The following CHD1L variants were observed in gnomAD, a reference collection of about 807,000 sequenced individuals.
CHD1L encodes the protein chromodomain helicase DNA binding protein 1 like.
A neutral mutation model predicts 115.9 loss-of-function variants in CHD1L; 118 were observed. The observed-to-expected ratio is 1.02, with a 90% CI of 0.88 to 1.19. The LOEUF (loss-of-function observed/expected upper bound fraction) is 1.19, where lower values mean the gene tolerates loss of function less well. CHD1L is among the 50% of genes most tolerant of loss of function. The probability of loss-of-function intolerance (pLI) is 0.00; values close to 1 mark genes in which losing one functional copy is unlikely to be tolerated. For synonymous variants in CHD1L, 411 were observed against 387.1 expected (o/e 1.06, Z -0.72); for missense variants, 1,179 against 1,065.3 (o/e 1.11, Z -1.49).
the CHD1L span, chr1:147,201,272 T>G: frequency 2.2e-5 from 35 of 1,614,076 alleles, no homozygotes; most frequent in Middle Eastern, 1.6e-4. Flanking sequence ...GGGAAGACCT[T>G]TTTATACAGG....
the CHD1L span, among the ~76,000 whole-genome samples, chr1:147,233,411 G>A: frequency 5.5e-5 from 8 of 145,478 alleles, no homozygotes; most frequent in African/African-American, 7.8e-5. Context: ...CGCCCCGTCC[G>A]GGAGGGAGGT....
the CHD1L span, chr1:147,186,277 T>C: frequency 1.8e-4 from 179 of 970,788 alleles, no homozygotes; most frequent in Non-Finnish European, 2.1e-4. Flanking sequence ...GTAATTTCTT[T>C]ATTGAGAAAA....
rs36068896 is a variant in CHD1L, at chr1:147,254,879, C to G, written c.250C>G (p.Leu84Val). The G allele has an allele frequency of 2.5e-6, 4 of 1,602,208 alleles. No individual in the cohort carries two copies. The highest frequency in any genetic ancestry group is 1.1e-5 in the South Asian group (1 of 88,206). The change falls in exon 3 of 23, where the codon CTC becomes GTC. Residue 84 changes from leucine (L) to valine (V), a missense_variant. Transcript: ENST00000369258. ...GLGKTCQTIA[L>V]FIYLAGRLND... Reference sequence around the variant, plus strand: ...TTTTTCTGTGTTCCAGACTATTGCTCTCTTCATTTATTTGGCAGGAAGATT... The same window carrying G: ...TTTTTCTGTGTTCCAGACTATTGCTGTCTTCATTTATTTGGCAGGAAGATT...
chr1:147,204,181 T>G, the CHD1L span: 1 of 1,348,142 alleles, frequency 7.4e-7, no homozygotes, highest in Admixed American at 1.7e-5. Flanking sequence ...CCTTAGTTTC[T>G]GTTATCATGC....
intron 21 of CHD1L, 65 bp from the exon 22 acceptor site, chr1:147,294,344 G>A: frequency 1.9e-6 from 2 of 1,071,170 alleles, no homozygotes; most frequent in Non-Finnish European, 2.7e-6. Context: ...TTTCTCCCAT[G>A]TGTATTTTAT....
intron 12 of CHD1L, among the ~76,000 whole-genome samples, chr1:147,272,947 C>T (rs1553954531): frequency 6.8e-6 from 1 of 147,940 alleles, no homozygotes; most frequent in East Asian, 2.0e-4. Flanking sequence ...TGCCTGTAAT[C>T]CCAGCACTTT....
chr1:147,223,959 T>G, the CHD1L span: 44 of 386,908 alleles, frequency 1.1e-4, 1 homozygote, highest in East Asian at 3.7e-3. Context: ...CCACCCGTCT[T>G]TCCAGCAGGG....
intron 1 of CHD1L, among the ~76,000 whole-genome samples, chr1:147,245,904 A>G (rs1237575229): frequency 2.6e-5 from 4 of 152,084 alleles, no homozygotes; most frequent in Non-Finnish European, 4.4e-5. Flanking sequence ...ATATCTTGCA[A>G]TGTGGCACAT....
intron 1 of CHD1L, among the ~76,000 whole-genome samples, chr1:147,244,801 C>CT (rs144769996): frequency 0.99 from 149,465 of 151,592 alleles, 73,692 homozygotes; most frequent in East Asian, 1. Flanking sequence ...TATTTAGGTT[C>CT]TTTTTTTTGC....
At chr1:147,278,597 G>T (rs12403141) in intron 14 of CHD1L, among the ~76,000 whole-genome samples, 1 of 151,464 alleles carries the variant, frequency 6.6e-6, no homozygotes, top group Non-Finnish European at 1.5e-5. Context: ...CTAAGCAGTA[G>T]GTATGGAGTT....
chr1:147,264,310 A>C, intron 6 of CHD1L, 112 bp from the exon 7 acceptor site: 2 of 962,452 alleles, frequency 2.1e-6, no homozygotes, highest in Non-Finnish European at 3.1e-6. Flanking sequence ...ATGTCCCCTC[A>C]GTCATTTCAT....
At chr1:147,261,992 G>A (rs4472805) in intron 6 of CHD1L, among the ~76,000 whole-genome samples, 53,734 of 151,556 alleles carry the variant, frequency 0.35, 9,728 homozygotes, top group African/African-American at 0.42. Flanking sequence ...TCAGGAGATC[G>A]AGACCATCCT....
At chr1:147,264,674 A>AT in intron 7 of CHD1L, 90 bp downstream of exon 7, 1 of 1,373,394 alleles carries the variant, frequency 7.3e-7, no homozygotes, top group Non-Finnish European at 1.0e-6. Context: ...AAGAAGGAGA[A>AT]TTGATGACCA....
In CHD1L at chr1:147,294,501, G is replaced by A. The variant is rs782521400; in HGVS notation, c.2599G>A (p.Gly867Ser). 3.1e-6 allele frequency: 5 copies of A among 1,611,652 alleles called. No homozygotes were observed. In the African/African-American group the frequency reaches 6.7e-5, roughly 22 times the overall value. ...TATTCGGAAACATCTGGCTGCAAGAGGCATCCCAACTTACATGTATCCTTT... is the reference window on the plus strand; with the variant it reads ...TATTCGGAAACATCTGGCTGCAAGAAGCATCCCAACTTACATGTATCCTTT... ...RLIRKHLAAR[G>S]IPTYIYYFPR... Residue 867 changes from glycine to serine, a missense_variant, in exon 22 of 23, where the codon GGC (glycine) becomes AGC (serine). Coordinates refer to ENST00000369258, the MANE Select transcript of CHD1L (RefSeq NM_004284.6).
chr1:147,289,457 T>TG (rs782032679), intron 19 of CHD1L, among the ~76,000 whole-genome samples: 9 of 152,234 alleles, frequency 5.9e-5, no homozygotes, highest in Non-Finnish European at 1.3e-4. Flanking sequence ...GAAAAGGCCA[T>TG]GGATTTTGAC....
At chr1:147,214,348 G>C in the CHD1L span, among the ~76,000 whole-genome samples, 2 of 152,024 alleles carry the variant, frequency 1.3e-5, no homozygotes, top group South Asian at 4.2e-4. Flanking sequence ...CTACTCGGGA[G>C]GCTGAGGCGG....
chr1:147,271,142 C>A lies in CHD1L; in HGVS notation c.1159+137C>A, dbSNP rs587618885. ...AGAACATTATTCAGAACCAAAAAAT[C>A]AAAAGGCGAGAGGAGAGTGATGTGT... On this transcript the variant is annotated intron_variant, in intron 11 of 22. Coordinates refer to ENST00000369258, the MANE Select transcript of CHD1L (RefSeq NM_004284.6). 41 of 733,182 alleles carry A rather than the reference C, an allele frequency of 5.6e-5. No individual in the cohort carries two copies. In the African/African-American group the frequency reaches 5.6e-4, roughly 10 times the overall value. The allele number at this position is 733,182 out of a possible 1,614,324, so 45.4% of individuals were successfully genotyped here.
the CHD1L span, among the ~76,000 whole-genome samples, chr1:147,189,387 A>G: frequency 1.3e-5 from 2 of 152,124 alleles, no homozygotes; most frequent in Non-Finnish European, 2.9e-5. Flanking sequence ...TGGCAGTGAA[A>G]GGAAGGAGGA....
At chr1:147,274,721 G>A (rs904072373) in intron 12 of CHD1L, among the ~76,000 whole-genome samples, 1 of 152,124 alleles carries the variant, frequency 6.6e-6, no homozygotes, top group Non-Finnish European at 1.5e-5. Flanking sequence ...AGAACACTCA[G>A]AGTAAATGAC....
Sources: gnomAD v4.1 joint callset for allele counts (sites outside exome capture counted in the v4.1 genomes callset) on GRCh38, gnomAD v4.1.1 for gene constraint, MANE v1.5 for transcripts, NCBI Gene and HGNC (gene_info 2026-07-23, HGNC 2026-07-21) for gene names.